Variants in ICE2 observed in about 807,000 individuals in gnomAD.
ICE2 encodes the protein little elongation complex subunit 2.
ICE2 carries 87 observed loss-of-function variants against 105.4 expected under a neutral mutation model. The ratio of observed to expected loss-of-function variants is 0.83; its 90% CI spans 0.69 to 0.99. The LOEUF (loss-of-function observed/expected upper bound fraction) is 0.99. Ranked by LOEUF, ICE2 falls within the 50% of genes least tolerant of loss-of-function variation. The pLI is 0.00. For missense variants in ICE2, 1,323 were observed against 1,146.7 expected, an observed-to-expected ratio of 1.15 and a Z score of -2.22; for synonymous variants, 399 against 392.0, an observed-to-expected ratio of 1.02 and a Z score of -0.21.
chr15:60,433,435 C>CTAGAAGA, intron 13 of ICE2, among the ~76,000 whole-genome samples: 1 of 152,064 alleles, frequency 6.6e-6, no homozygotes. Context: ...GACCTAAAGT[C>CTAGAAGA]CGTCTGTCCA....
intron 5 of ICE2, among the ~76,000 whole-genome samples, chr15:60,463,758 G>A (rs772163050): frequency 5.3e-5 from 8 of 152,078 alleles, no homozygotes; most frequent in South Asian, 2.1e-4. Flanking sequence ...CGACAAGAGC[G>A]AAGCTCCGTC....
intron 10 of ICE2, 96 bp downstream of exon 10, chr15:60,448,752 C>A: frequency 9.4e-7 from 1 of 1,066,526 alleles, no homozygotes; most frequent in South Asian, 1.7e-5. Flanking sequence ...ATGACAATTA[C>A]AAAACAGGTT....
At position 60,420,967 on chromosome 15, in the gene ICE2, C is replaced by T. The variant is rs999808686; in HGVS notation, c.*2667G>A. 7.9e-5 allele frequency: 12 copies of T among 151,916 alleles called. No individual in the cohort carries two copies. Among genetic ancestry groups the T allele is most frequent in the African/African-American group, 2.4e-5 (1 of 41,232 alleles). 9.4% of individuals were successfully genotyped at this position (151,916 alleles called of 1,614,324 possible). A position where few individuals can be genotyped will look rare whatever the true frequency, so the allele number is the denominator to read the frequency against. On this transcript the variant is annotated 3_prime_UTR_variant, in exon 16 of 16. Coordinates refer to ENST00000261520, the MANE Select transcript of ICE2 (RefSeq NM_024611.6). ...CAAAACAAATATGCCCCTGTCCTTG[C>T]AGAGCTTGTAATCTATAAGAAAAGA...
intron 15 of ICE2, among the ~76,000 whole-genome samples, chr15:60,425,189 T>A (rs367680663): frequency 2.1e-3 from 327 of 152,352 alleles, no homozygotes; most frequent in African/African-American, 6.1e-3. Flanking sequence ...CATTTTTTTT[T>A]ATTTACATTT....
rs2064478931 is a variant in ICE2 at position 60,468,046 on chromosome 15, G to C, written c.408+15C>G. 1 of 1,497,206 alleles carries C rather than the reference G, an allele frequency of 6.7e-7. No individual in the cohort carries two copies. Among genetic ancestry groups the C allele is most frequent in the East Asian group, 2.4e-5 (1 of 42,338 alleles). The allele number at this position is 1,497,206 out of a possible 1,614,324, so 92.7% of individuals were successfully genotyped here. On this transcript the variant is annotated intron_variant, in intron 4 of 15. Coordinates refer to ENST00000261520, the MANE Select transcript of ICE2 (RefSeq NM_024611.6). ...TTTATTATTTTTTCCTGAAACTGAA[G>C]AACACAATACATACCAAGTACTGCA...
chr15:60,471,268 TC>T (rs1191904509), intron 3 of ICE2, among the ~76,000 whole-genome samples: 1 of 152,170 alleles, frequency 6.6e-6, no homozygotes, highest in African/African-American at 2.4e-5. Flanking sequence ...TACTAAAGTT[TC>T]TCAAATAATT....
intron 5 of ICE2, among the ~76,000 whole-genome samples, chr15:60,463,955 G>C (rs879872281): frequency 6.6e-6 from 1 of 152,122 alleles, no homozygotes; most frequent in Non-Finnish European, 1.5e-5. Context: ...TGAATTACTG[G>C]CATTATTTTA....
At position 60,449,288 on chromosome 15, in the gene ICE2, G is replaced by A. The variant is rs2063901754; in HGVS notation, c.1679C>T (p.Ala560Val). Reference protein sequence around the residue: ...NSKEKTVGSEAAKTEDTVLCS... With the variant: ...NSKEKTVGSEVAKTEDTVLCS... ...GAGAACTGTATCTTCAGTTTTTGCT[G>A]CTTCTGATCCAACAGTCTTTTCCTT... The change falls in exon 10 of 16, where the codon GCA (alanine) becomes GTA (valine). Residue 560 changes from alanine to valine, a missense_variant. By Grantham distance (64) the Ala-to-Val change is moderately conservative (BLOSUM62 0). Transcript: ENST00000261520. 2.5e-6 allele frequency: 4 copies of A among 1,613,112 alleles called. No homozygotes were observed. The highest frequency in any genetic ancestry group is 2.5e-6 in the Non-Finnish European group (3 of 1,179,974).
rs764179388 is a variant in ICE2 at position 60,442,407 on chromosome 15, A to C, written c.2425+9T>G. Reference sequence around the variant, plus strand: ...TAAAAAGGAGAATAAAGACTTTTGTATAACTTACCAACATAAAATGAGCTG... The same window carrying C: ...TAAAAAGGAGAATAAAGACTTTTGTCTAACTTACCAACATAAAATGAGCTG... On this transcript the variant is annotated intron_variant, in intron 12 of 15. Coordinates refer to ENST00000261520, the MANE Select transcript of ICE2 (RefSeq NM_024611.6). The C allele has an allele frequency of 6.3e-7, 1 of 1,576,950 alleles. No individual in the cohort carries two copies. The highest frequency in any genetic ancestry group is 8.5e-7 in the Non-Finnish European group (1 of 1,171,500).
At chr15:60,434,082 A>G (rs1406722271) in intron 13 of ICE2, among the ~76,000 whole-genome samples, 1 of 152,230 alleles carries the variant, frequency 6.6e-6, no homozygotes. Context: ...GGCTGCAACT[A>G]GCTTAGCTGT....
intron 3 of ICE2, among the ~76,000 whole-genome samples, chr15:60,471,187 G>T (rs750277690): frequency 3.3e-5 from 5 of 152,108 alleles, no homozygotes; most frequent in African/African-American, 9.7e-5. Flanking sequence ...GATGAGAGAA[G>T]AATTTTGGAA....
rs2063233474 is a variant in ICE2 at position 60,420,599 on chromosome 15, T to C, written c.*3035A>G. The C allele has an allele frequency of 6.6e-6, 1 of 152,232 alleles. No individual in the cohort carries two copies. The highest frequency in any genetic ancestry group is 6.5e-5 in the Admixed American group (1 of 15,284). 9.4% of individuals were successfully genotyped at this position (152,232 alleles called of 1,614,324 possible). A position where few individuals can be genotyped will look rare whatever the true frequency, so the allele number is the denominator to read the frequency against. On this transcript the variant is annotated 3_prime_UTR_variant, in exon 16 of 16. Coordinates refer to ENST00000261520, the MANE Select transcript of ICE2 (RefSeq NM_024611.6). ...CTGCAGTTTTCTCTCTCATCTCCCA[T>C]GTTCATAGCCTATAATCTCTCCAAC... is the stretch of plus-strand genomic sequence containing the variant.
chr15:60,461,486 T>A (rs1475905792), intron 5 of ICE2, among the ~76,000 whole-genome samples: 1 of 152,136 alleles, frequency 6.6e-6, no homozygotes, highest in African/African-American at 2.4e-5. Context: ...TAAATGTGGA[T>A]TTAAAAGGGA....
chr15:60,473,261 T>C (rs571957964), intron 3 of ICE2, among the ~76,000 whole-genome samples: 55 of 152,186 alleles, frequency 3.6e-4, no homozygotes, highest in Admixed American at 9.2e-4. Flanking sequence ...TTTGTGTGTG[T>C]GTGTGAGTGA....
At chr15:60,432,045 T>C (rs2063471472) in intron 13 of ICE2, 61 bp from the exon 14 acceptor site, 1 of 874,264 alleles carries the variant, frequency 1.1e-6, no homozygotes, top group East Asian at 2.6e-5. Flanking sequence ...TTAGCAATTA[T>C]AGCTCCTCAG....
At chr15:60,436,901 G>A (rs2063605360) in intron 12 of ICE2, among the ~76,000 whole-genome samples, 1 of 151,780 alleles carries the variant, frequency 6.6e-6, no homozygotes, top group Non-Finnish European at 1.5e-5. Flanking sequence ...AAATGTACAG[G>A]GGCTAAGACA....
chr15:60,435,418 G>A (rs1412288407), intron 13 of ICE2, among the ~76,000 whole-genome samples: 1 of 151,656 alleles, frequency 6.6e-6, no homozygotes. Flanking sequence ...TAACCAATAT[G>A]GAGAAACCCT....
At chr15:60,437,277 T>C (rs2063615425) in intron 12 of ICE2, among the ~76,000 whole-genome samples, 2 of 151,804 alleles carry the variant, frequency 1.3e-5, no homozygotes, top group African/African-American at 4.8e-5. Flanking sequence ...TATATATTTA[T>C]TAAAGCACAC....
chr15:60,455,114 G>T lies in ICE2; in HGVS notation c.832C>A (p.Pro278Thr). 6.3e-7 allele frequency: 1 copy of T among 1,592,062 alleles called. No individual in the cohort carries two copies. The highest frequency in any genetic ancestry group is 8.5e-7 in the Non-Finnish European group (1 of 1,173,626). ...GACTGACTAGTTAGAGCTATCTGAG[G>T]GTGATATCTGGAAACAAGCTTCTCT... ...NAEKLVSRYHPQIALTSQSLF... is the reference protein window; with the variant it reads ...NAEKLVSRYHTQIALTSQSLF... Residue 278 changes from proline (P) to threonine (T), a missense_variant, in exon 8 of 16, where the codon CCT (proline) becomes ACT (threonine). Physicochemically the swap from Pro to Thr is conservative, Grantham distance 38. Transcript: ENST00000261520.
Sources: gnomAD v4.1 joint callset for allele counts (sites outside exome capture counted in the v4.1 genomes callset) on GRCh38, gnomAD v4.1.1 for gene constraint, MANE v1.5 for transcripts, NCBI Gene and HGNC (gene_info 2026-07-23, HGNC 2026-07-21) for gene names.